Variants in TRAPPC8 observed in about 807,000 individuals in gnomAD.
TRAPPC8 encodes general sporulation gene 1 homolog.
A neutral mutation model predicts 174.3 loss-of-function variants in TRAPPC8; 54 were observed. The observed-to-expected ratio is 0.31, with a 90% CI of 0.25 to 0.39. The LOEUF (loss-of-function observed/expected upper bound fraction) is 0.39. TRAPPC8 is among the 10% of genes least tolerant of loss of function. TRAPPC8 has a pLI of 1.00. For missense variants in TRAPPC8, 1,531 were observed against 1,699.1 expected, an observed-to-expected ratio of 0.90 and a Z score of 1.74; for synonymous variants, 630 against 579.9, an observed-to-expected ratio of 1.09 and a Z score of -1.24.
At chr18:31,880,088 A>ATAT (rs1555668900) in intron 12 of TRAPPC8, among the ~76,000 whole-genome samples, 1 of 61,468 alleles carries the variant, frequency 1.6e-5, no homozygotes, top group Admixed American at 1.2e-4. Context: ...ATTGAAAAAA[A>ATAT]AAATATATAT....
chr18:31,911,446 G>A (rs1364628039), intron 5 of TRAPPC8, among the ~76,000 whole-genome samples: 6 of 145,994 alleles, frequency 4.1e-5, no homozygotes, highest in Admixed American at 3.5e-4. Flanking sequence ...GTGAGACTCC[G>A]TCTCAAAAAA....
At chr18:31,850,043 C>G (rs1161897809) in intron 24 of TRAPPC8, among the ~76,000 whole-genome samples, 3 of 151,986 alleles carry the variant, frequency 2.0e-5, no homozygotes, top group Non-Finnish European at 4.4e-5. Flanking sequence ...ACCTCTACCT[C>G]CTGGGCCCAA....
intron 12 of TRAPPC8, among the ~76,000 whole-genome samples, chr18:31,876,778 TG>T (rs201511149): frequency 0.015 from 2,351 of 152,150 alleles, 72 homozygotes; most frequent in African/African-American, 0.054. Flanking sequence ...ATCCAACTGA[TG>T]GGGAGTCCCT....
At position 31,924,241 on chromosome 18, in the gene TRAPPC8, C is replaced by T. The variant is rs575370567; in HGVS notation, c.353-6574G>A. Among the ~76,000 whole-genome samples, 14 of 151,248 alleles carry T rather than the reference C, an allele frequency of 9.3e-5. No individual in the cohort carries two copies. In the East Asian group the frequency reaches 9.8e-4, roughly 11 times the overall value. On this transcript the variant is annotated intron_variant, in intron 2 of 28. Coordinates refer to ENST00000283351, the MANE Select transcript of TRAPPC8 (RefSeq NM_014939.5). ...CAGAGGTTGCAGTGAGCCGAGGTCG[C>T]GCCATTGCACTCCAGCCTGGGCAAC...
chr18:31,837,038 A>AG (rs1287055939), intron 27 of TRAPPC8, among the ~76,000 whole-genome samples: 1 of 152,122 alleles, frequency 6.6e-6, no homozygotes, highest in Non-Finnish European at 1.5e-5. Flanking sequence ...CTGGGATTAC[A>AG]GGCGTGAGCC....
At chr18:31,874,390 T>C in intron 13 of TRAPPC8, 90 bp downstream of exon 13, 1 of 1,330,938 alleles carries the variant, frequency 7.5e-7, no homozygotes, top group South Asian at 1.3e-5. Context: ...TATATTCTAA[T>C]AAAACTATCG....
In TRAPPC8 at chr18:31,913,444, T is replaced by G. The variant is rs1414381468; in HGVS notation, c.696A>C (p.Thr232=). 6.2e-7 allele frequency: 1 copy of G among 1,611,854 alleles called. No homozygotes were observed. Among genetic ancestry groups the G allele is most frequent in the African/African-American group, 1.3e-5 (1 of 74,812 alleles). ...TCTGTTCATCTGATGCTCGATTAGA[T>G]GTTCGAGAATTAATTTTAAGTAAAT... ...GCYLLKINSR[T]SNRASDEQIP... The change falls in exon 5 of 29, where the codon ACA becomes ACC. Residue 232 remains threonine (T), a synonymous_variant. Coordinates refer to ENST00000283351, the MANE Select transcript of TRAPPC8 (RefSeq NM_014939.5).
chr18:31,832,634 G>A (rs2032441917), intron 27 of TRAPPC8: 1 of 152,162 alleles, frequency 6.6e-6, no homozygotes, highest in South Asian at 2.1e-4. Context: ...ATGTTTTGAA[G>A]AATATAAGAA....
At chr18:31,942,048 T>G (rs1211701477) in intron 1 of TRAPPC8, among the ~76,000 whole-genome samples, 1 of 152,224 alleles carries the variant, frequency 6.6e-6, no homozygotes. Flanking sequence ...TTATAATACT[T>G]TTAATTTTCT....
intron 1 of TRAPPC8, among the ~76,000 whole-genome samples, chr18:31,939,915 C>A (rs1427383407): frequency 1.3e-5 from 2 of 152,116 alleles, no homozygotes; most frequent in Non-Finnish European, 2.9e-5. Flanking sequence ...CCCTAATCTT[C>A]CCCAGTCTCC....
In TRAPPC8 at chr18:31,829,631, C is replaced by T. The variant is rs916854705; in HGVS notation, c.*1124G>A. 2.6e-5 allele frequency: 4 copies of T among 152,376 alleles called. No homozygotes were observed. The highest frequency in any genetic ancestry group is 9.6e-5 in the African/African-American group (4 of 41,566). The allele number at this position is 152,376 out of a possible 1,614,324, so 9.4% of individuals were successfully genotyped here. On this transcript the variant is annotated 3_prime_UTR_variant, in exon 29 of 29. Transcript: ENST00000283351. Reference sequence around the variant, plus strand: ...AACGGGGTCTTTTGATCTCTCCCCACTTTGGTGCAGTCTGCTCCGATTAGT... The same window carrying T: ...AACGGGGTCTTTTGATCTCTCCCCATTTTGGTGCAGTCTGCTCCGATTAGT...
intron 27 of TRAPPC8, among the ~76,000 whole-genome samples, chr18:31,836,866 A>G (rs1221134919): frequency 1.4e-5 from 2 of 144,558 alleles, no homozygotes; most frequent in Non-Finnish European, 3.0e-5. Context: ...GGTTCATGCC[A>G]TTCTCCTGCC....
chr18:31,911,830 T>TTGGG (rs2036921949), intron 5 of TRAPPC8, among the ~76,000 whole-genome samples: 1 of 149,380 alleles, frequency 6.7e-6, no homozygotes, highest in African/African-American at 2.5e-5. Flanking sequence ...TCCCAGCACT[T>TTGGG]TGGGAGACCA....
chr18:31,928,255 T>C (rs994689735), intron 2 of TRAPPC8, among the ~76,000 whole-genome samples: 5 of 151,320 alleles, frequency 3.3e-5, no homozygotes, highest in African/African-American at 9.7e-5. Flanking sequence ...TCCCAGCACT[T>C]TGGGAGGCCA....
intron 2 of TRAPPC8, among the ~76,000 whole-genome samples, chr18:31,923,310 G>A (rs549249695): frequency 5.3e-5 from 8 of 152,158 alleles, no homozygotes; most frequent in East Asian, 1.9e-4. Context: ...CAACAGAAAC[G>A]AAGTAGGTGA....
At position 31,852,327 on chromosome 18, in the gene TRAPPC8, A is replaced by C. The variant is rs536076579; in HGVS notation, c.3561+119T>G. 49 of 1,090,024 alleles carry C rather than the reference A, an allele frequency of 4.5e-5. No homozygotes were observed. In the East Asian group the frequency reaches 1.1e-3, roughly 25 times the overall value. 67.5% of individuals were successfully genotyped at this position (1,090,024 alleles called of 1,614,324 possible). On this transcript the variant is annotated intron_variant, in intron 24 of 28. Transcript: ENST00000283351. The stretch of plus-strand genomic sequence containing the variant: ...CTGTACTCCTGGGAGACAGAGCAAG[A>C]CCTTGTCTCCCCCCCAAAAAAAAGC...
rs201705465 is a variant in TRAPPC8 at position 31,915,720 on chromosome 18, T to TAA, written c.617+550_617+551dup. On this transcript the variant is annotated intron_variant, in intron 4 of 28. Transcript: ENST00000283351. The stretch of plus-strand genomic sequence containing the variant: ...GACCATGGTGAAACCCCGTCTCTAC[T>TAA]AAAAAAAATACAAAAAATTAGCCAG... Among the ~76,000 whole-genome samples the TAA allele has an allele frequency of 1.7e-4, 26 of 151,050 alleles. 1 individual carries two copies. The highest frequency in any genetic ancestry group is 1.6e-3 in the East Asian group (8 of 5,106).
At chr18:31,852,368 C>T (rs1441070840) in intron 24 of TRAPPC8, 78 bp downstream of exon 24, 6 of 1,539,992 alleles carry the variant, frequency 3.9e-6, no homozygotes, top group East Asian at 2.3e-5. Flanking sequence ...GGAATTACTG[C>T]GATAAGCCTT....
At chr18:31,932,329 A>G in intron 1 of TRAPPC8, among the ~76,000 whole-genome samples, 1 of 151,294 alleles carries the variant, frequency 6.6e-6, no homozygotes, top group Non-Finnish European at 1.5e-5. Context: ...CAGGAGGCTG[A>G]GGCAGGAGAA....
Sources: gnomAD v4.1 joint callset for allele counts (sites outside exome capture counted in the v4.1 genomes callset) on GRCh38, gnomAD v4.1.1 for gene constraint, MANE v1.5 for transcripts, NCBI Gene and HGNC (gene_info 2026-07-23, HGNC 2026-07-21) for gene names.